The following KCNG2 variants were observed in gnomAD, a reference collection of about 807,000 sequenced individuals.
KCNG2 encodes the protein potassium voltage-gated channel modifier subfamily G member 2.
A neutral mutation model predicts 12.3 loss-of-function variants in KCNG2; 7 were observed. The ratio of observed to expected loss-of-function variants is 0.57; its 90% confidence interval spans 0.32 to 1.07. KCNG2 has a LOEUF of 1.07. KCNG2 is among the 50% of genes least tolerant of loss of function. The pLI is 0.04. For missense variants in KCNG2, 703 were observed against 726.0 expected (o/e 0.97, Z 0.36); for synonymous variants, 414 against 351.4 (o/e 1.18, Z -1.99).
intron 3 of KCNG2, among the ~76,000 whole-genome samples, chr18:79,881,335 G>A (rs1240013580): frequency 6.6e-6 from 1 of 152,134 alleles, no homozygotes; most frequent in Non-Finnish European, 1.5e-5. Context: ...CGATTGGAAA[G>A]CAAGAGAACA....
In KCNG2 at chr18:79,841,068, G is replaced by A. The variant is rs143878008; in HGVS notation, c.-114-15311G>A. On this transcript the variant is annotated intron_variant, in intron 1 of 3. Coordinates refer to ENST00000316249, the MANE Select transcript of KCNG2 (RefSeq NM_012283.2). ...TAGGATTACTTGAGCTCAGGAGTTC[G>A]AGACTAGCCTGAGCAACATAGTGAG... 3.3e-3 allele frequency among the ~76,000 whole-genome samples: 501 copies of A among 152,198 alleles called. 3 individuals carry two copies. Among genetic ancestry groups the A allele is most frequent in the African/African-American group, 0.011 (442 of 41,508 alleles).
intron 1 of KCNG2, among the ~76,000 whole-genome samples, chr18:79,809,561 G>A (rs1162610697): frequency 3.1e-5 from 2 of 65,564 alleles, no homozygotes; most frequent in East Asian, 6.2e-4. Flanking sequence ...CCCAGAGTCC[G>A]CGCTCTGAGG....
At chr18:79,863,383 G>A (rs1371759366) in intron 2 of KCNG2, among the ~76,000 whole-genome samples, 1 of 152,256 alleles carries the variant, frequency 6.6e-6, no homozygotes, top group Non-Finnish European at 1.5e-5. Flanking sequence ...TAAGAACCCG[G>A]CTGTTCCCTT....
intron 2 of KCNG2, among the ~76,000 whole-genome samples, chr18:79,857,669 T>G (rs1053052624): frequency 6.6e-6 from 1 of 151,944 alleles, no homozygotes; most frequent in Admixed American, 6.6e-5. Flanking sequence ...GGGCTTGACG[T>G]TGGCGGTGGA....
chr18:79,897,562 A>G (rs1981023721), intron 3 of KCNG2, among the ~76,000 whole-genome samples: 1 of 152,158 alleles, frequency 6.6e-6, no homozygotes, highest in South Asian at 2.1e-4. Context: ...TCACTCTCAC[A>G]GCAGTTTTTG....
At position 79,801,458 on chromosome 18, in the gene KCNG2, C is replaced by T. The variant is rs564655368; in HGVS notation, c.-115+3444C>T. Among the ~76,000 whole-genome samples, 15 of 152,366 alleles carry T rather than the reference C, an allele frequency of 9.8e-5. No individual in the cohort carries two copies. In the South Asian group the frequency reaches 2.1e-3, roughly 21 times the overall value. On this transcript the variant is annotated intron_variant, in intron 1 of 3. Coordinates refer to ENST00000316249, the MANE Select transcript of KCNG2 (RefSeq NM_012283.2). ...GCCTGTGGAGGGGCCACACCTGCCC[C>T]GCACTGCCCACCCTTCACCCAGGCC... is the stretch of plus-strand genomic sequence containing the variant.
intron 1 of KCNG2, among the ~76,000 whole-genome samples, chr18:79,831,971 G>T (rs980204530): frequency 6.6e-6 from 1 of 152,218 alleles, no homozygotes; most frequent in Non-Finnish European, 1.5e-5. Context: ...AATGCAAGGA[G>T]CAGCCGTCAG....
chr18:79,864,842 C>T (rs1204017258), intron 3 of KCNG2, among the ~76,000 whole-genome samples: 4 of 129,354 alleles, frequency 3.1e-5, no homozygotes, highest in Non-Finnish European at 4.8e-5. Context: ...GGTCTGTGTG[C>T]TGAGAAGTCT....
chr18:79,882,286 ATCAC>A (rs1352120638), intron 3 of KCNG2, among the ~76,000 whole-genome samples: 1 of 152,200 alleles, frequency 6.6e-6, no homozygotes, highest in African/African-American at 2.4e-5. Context: ...AGGTGGGAAG[ATCAC>A]TTCAGCCCAG....
At chr18:79,843,236 A>G (rs1444148784) in intron 1 of KCNG2, among the ~76,000 whole-genome samples, 1 of 152,216 alleles carries the variant, frequency 6.6e-6, no homozygotes, top group Non-Finnish European at 1.5e-5. Context: ...TCAACCAAGA[A>G]TATTATACTC....
chr18:79,821,517 T>C (rs1449033331), intron 1 of KCNG2, among the ~76,000 whole-genome samples: 2 of 152,138 alleles, frequency 1.3e-5, no homozygotes, highest in Non-Finnish European at 2.9e-5. Flanking sequence ...CTCAAACTCC[T>C]GACCTCAGGT....
intron 1 of KCNG2, among the ~76,000 whole-genome samples, chr18:79,813,138 G>C (rs547525730): frequency 6.6e-6 from 1 of 152,318 alleles, no homozygotes; most frequent in East Asian, 1.9e-4. Flanking sequence ...CTGGGTGAGA[G>C]GGTGAGACTC....
intron 2 of KCNG2, among the ~76,000 whole-genome samples, chr18:79,857,793 T>G (rs1423833185): frequency 6.6e-6 from 1 of 151,892 alleles, no homozygotes; most frequent in Non-Finnish European, 1.5e-5. Flanking sequence ...TAACGTTATA[T>G]TTACCATTTT....
At chr18:79,829,771 C>A (rs1978290795) in intron 1 of KCNG2, among the ~76,000 whole-genome samples, 1 of 152,204 alleles carries the variant, frequency 6.6e-6, no homozygotes, top group Non-Finnish European at 1.5e-5. Context: ...GGGCAGCTCA[C>A]ACCCAGGGCA....
intron 3 of KCNG2, among the ~76,000 whole-genome samples, chr18:79,881,418 G>A (rs1457086208): frequency 1.3e-5 from 2 of 152,144 alleles, no homozygotes; most frequent in Non-Finnish European, 2.9e-5. Context: ...GAAATTCCCA[G>A]GAAACCCACA....
intron 1 of KCNG2, among the ~76,000 whole-genome samples, chr18:79,837,497 C>T (rs574148727): frequency 1.3e-5 from 2 of 152,246 alleles, no homozygotes; most frequent in African/African-American, 4.8e-5. Context: ...CCCCACATTT[C>T]CCCTCTGCTT....
intron 3 of KCNG2, among the ~76,000 whole-genome samples, chr18:79,874,432 AAC>A (rs755833436): frequency 6.6e-6 from 1 of 152,200 alleles, no homozygotes; most frequent in Non-Finnish European, 1.5e-5. Context: ...TCCCCAAATT[AAC>A]ACACACACTT....
intron 3 of KCNG2, among the ~76,000 whole-genome samples, chr18:79,873,449 G>A (rs1183351764): frequency 1.4e-5 from 1 of 72,902 alleles, no homozygotes; most frequent in African/African-American, 4.0e-5. Context: ...GCCACCTCCT[G>A]TCAGTCTTCC....
intron 1 of KCNG2, among the ~76,000 whole-genome samples, chr18:79,827,796 G>T (rs1293378422): frequency 2.0e-5 from 3 of 152,164 alleles, no homozygotes; most frequent in African/African-American, 7.2e-5. Context: ...AAATACTGAT[G>T]CAAGTAACTA....
Sources: gnomAD v4.1 joint callset for allele counts (sites outside exome capture counted in the v4.1 genomes callset) on GRCh38, gnomAD v4.1.1 for gene constraint, MANE v1.5 for transcripts, NCBI Gene and HGNC (gene_info 2026-07-23, HGNC 2026-07-21) for gene names.